BOD1L1: variants seen among roughly 807,000 people sequenced by gnomAD.
BOD1L1 encodes the protein biorientation of chromosomes in cell division protein 1-like 1.
Under a neutral mutation model 240.7 loss-of-function variants are expected in BOD1L1, and 86 were observed. The ratio of observed to expected loss-of-function variants is 0.36; its 90% confidence interval spans 0.30 to 0.43. BOD1L1 has a LOEUF of 0.43. BOD1L1 is among the 20% of genes least tolerant of loss of function. The pLI is 1.00. For missense variants in BOD1L1, 3,554 were observed against 3,643.5 expected (o/e 0.98, Z 0.63); for synonymous variants, 1,268 against 1,272.3 (o/e 1.00, Z 0.07).
Position 13,602,730 on chromosome 4 carries a change from T to C in BOD1L1, c.4170A>G (p.Leu1390=). 1 of 1,614,054 alleles carries C rather than the reference T, an allele frequency of 6.2e-7. No homozygotes were observed. The highest frequency in any genetic ancestry group is 8.5e-7 in the Non-Finnish European group (1 of 1,179,898). ...GKVIMPLGSK[L]TGVIVENENI... Reference sequence around the variant, plus strand: ...TCTCATTTTCCACAATCACGCCCGTTAACTTACTTCCAAGAGGCATGATTA... The same window carrying C: ...TCTCATTTTCCACAATCACGCCCGTCAACTTACTTCCAAGAGGCATGATTA... The change falls in exon 10 of 26, where the codon TTA becomes TTG. Residue 1390 remains leucine, a synonymous_variant. Transcript: ENST00000040738.
In BOD1L1 at chr4:13,600,487, T is replaced by A; in HGVS notation, c.6413A>T (p.Lys2138Ile). ...SQLTASRSEEKDECAMISTSI... is the reference protein window; with the variant it reads ...SQLTASRSEEIDECAMISTSI... The stretch of plus-strand genomic sequence containing the variant: ...TGTGGAAATCATGGCACACTCATCT[T>A]TCTCTTCACTTCTGCTGGCAGTGAG... Residue 2138 changes from lysine (K) to isoleucine (I), a missense_variant, in exon 10 of 26, where the codon AAA becomes ATA. Transcript: ENST00000040738. 6.2e-7 allele frequency: 1 copy of A among 1,613,986 alleles called. No individual in the cohort carries two copies. The highest frequency in any genetic ancestry group is 2.2e-5 in the East Asian group (1 of 44,884).
chr4:13,599,939 C>T lies in BOD1L1; in HGVS notation c.6961G>A (p.Val2321Ile). ...QDEDRLTITRVEDLSDAAIIS... is the reference protein window; with the variant it reads ...QDEDRLTITRIEDLSDAAIIS... ...ATGGCAGCATCGCTCAAGTCTTCTA[C>T]TCTTGTGATGGTGAGCCGATCTTCA... Residue 2321 changes from valine (V) to isoleucine (I), a missense_variant, in exon 10 of 26, where the codon GTA becomes ATA. Val to Ile is a conservative substitution (Grantham distance 29). Around this residue, in one of 2 missense-constraint regions of BOD1L1, gnomAD observed 3,393 missense variants for 3,427.1 expected, o/e 0.99. Coordinates refer to ENST00000040738, the MANE Select transcript of BOD1L1 (RefSeq NM_148894.3). 1 of 1,613,374 alleles carries T rather than the reference C, an allele frequency of 6.2e-7. No homozygotes were observed. The highest frequency in any genetic ancestry group is 8.5e-7 in the Non-Finnish European group (1 of 1,179,612).
At chr4:13,578,694 T>A (rs181586825) in intron 22 of BOD1L1, among the ~76,000 whole-genome samples, 1 of 152,282 alleles carries the variant, frequency 6.6e-6, no homozygotes, top group East Asian at 1.9e-4. Context: ...ATTACAGGTG[T>A]GAGCCACCAC....
chr4:13,582,161 T>C (rs1713283344), intron 19 of BOD1L1, 76 bp downstream of exon 19: 1 of 1,243,542 alleles, frequency 8.0e-7, no homozygotes, highest in Non-Finnish European at 1.1e-6. Flanking sequence ...AAACTCAAGA[T>C]AACAGTATTT....
At chr4:13,582,080 A>G in intron 19 of BOD1L1, 157 bp downstream of exon 19, 1 of 593,988 alleles carries the variant, frequency 1.7e-6, no homozygotes, top group Non-Finnish European at 2.9e-6. Flanking sequence ...AATGACACTG[A>G]TAAAATGCAC....
Position 13,569,941 on chromosome 4 carries a change from T to C in BOD1L1, c.*70A>G. 1 of 1,176,244 alleles carries C rather than the reference T, an allele frequency of 8.5e-7. No individual in the cohort carries two copies. The highest frequency in any genetic ancestry group is 1.1e-6 in the Non-Finnish European group (1 of 876,134). 72.9% of individuals were successfully genotyped at this position (1,176,244 alleles called of 1,614,324 possible). A position where few individuals can be genotyped will look rare whatever the true frequency, so the allele number is the denominator to read the frequency against. On this transcript the variant is annotated 3_prime_UTR_variant, in exon 26 of 26. Coordinates refer to ENST00000040738, the MANE Select transcript of BOD1L1 (RefSeq NM_148894.3). ...TTTTTCCTGGTTAAAGAGAAGCCTA[T>C]GGCCACCAAGGCATGTCTCTTTCCT...
At position 13,588,779 on chromosome 4, in the gene BOD1L1, A is replaced by G; in HGVS notation, c.8223T>C (p.Gly2741=). The G allele has an allele frequency of 1.3e-6, 2 of 1,599,440 alleles. No individual in the cohort carries two copies. Among genetic ancestry groups the G allele is most frequent in the East Asian group, 2.2e-5 (1 of 44,598 alleles). The change falls in exon 15 of 26, where the codon GGT becomes GGC. Residue 2741 remains glycine, a synonymous_variant. Transcript: ENST00000040738. ...TTATGGCTTCTGCGTTGTCTTTTCT[A>G]CCACTGGATATCTCTGAGTAATAAA... ...ESYNKGEISS[G]RKDNAEAISG... is the part of the protein sequence containing the mutation.
At chr4:13,610,271 T>A (rs976281243) in intron 6 of BOD1L1, among the ~76,000 whole-genome samples, 1 of 152,234 alleles carries the variant, frequency 6.6e-6, no homozygotes, top group South Asian at 2.1e-4. Context: ...TATTTTTGAA[T>A]CCAAGAAATA....
At chr4:13,592,184 T>C (rs1435839586) in intron 12 of BOD1L1, 1 of 491,356 alleles carries the variant, frequency 2.0e-6, no homozygotes, top group Non-Finnish European at 3.6e-6. Flanking sequence ...TAAATTAATG[T>C]TGCCTGCATT....
In BOD1L1 at chr4:13,595,755, T is replaced by C. The variant is rs1714567639; in HGVS notation, c.8104+105A>G. On this transcript the variant is annotated intron_variant, in intron 12 of 25. Transcript: ENST00000040738. The stretch of plus-strand genomic sequence containing the variant: ...TTTTAAAAAGTGAGAGGCAAGTTAA[T>C]AGAGCCTGTATGTTACTATGCATCA... 9.0e-6 allele frequency: 7 copies of C among 775,506 alleles called. No homozygotes were observed. The South Asian group carries it at 1.1e-4, about 12-fold the overall frequency. The allele number at this position is 775,506 out of a possible 1,614,324, so 48.0% of individuals were successfully genotyped here.
chr4:13,572,139 T>G (rs1270748791), intron 25 of BOD1L1, among the ~76,000 whole-genome samples: 1 of 152,192 alleles, frequency 6.6e-6, no homozygotes, highest in African/African-American at 2.4e-5. Context: ...AAGTGCCCAG[T>G]ACTGACCAGA....
intron 12 of BOD1L1, among the ~76,000 whole-genome samples, chr4:13,594,022 G>C (rs1714418723): frequency 6.6e-6 from 1 of 152,190 alleles, no homozygotes; most frequent in Admixed American, 6.5e-5. Context: ...AAAAGTAGAG[G>C]CTATGAATGA....
In BOD1L1 at chr4:13,576,876, T is replaced by C. The variant is rs751712836; in HGVS notation, c.9000A>G (p.Gly3000=). The C allele has an allele frequency of 1.2e-6, 2 of 1,614,034 alleles. No individual in the cohort carries two copies. ...EEEEEEDEPS[G]ATTRSTTRSE... is the part of the protein sequence containing the mutation. Reference sequence around the variant, plus strand: ...ATCTGGTGGTGGATCTTGTGGTGGCTCCTGAAGGCTCGTCCTCTTCCTCTT... The same window carrying C: ...ATCTGGTGGTGGATCTTGTGGTGGCCCCTGAAGGCTCGTCCTCTTCCTCTT... Residue 3000 remains glycine, a synonymous_variant, in exon 25 of 26, where the codon GGA becomes GGG. Coordinates refer to ENST00000040738, the MANE Select transcript of BOD1L1 (RefSeq NM_148894.3).
At chr4:13,605,906 T>C (rs1442186917) in intron 9 of BOD1L1, among the ~76,000 whole-genome samples, 1 of 152,198 alleles carries the variant, frequency 6.6e-6, no homozygotes, top group African/African-American at 2.4e-5. Flanking sequence ...CATCTAAACC[T>C]TCCTTCTGGC....
At position 13,584,447 on chromosome 4, in the gene BOD1L1, T is replaced by A. The variant is rs879673455; in HGVS notation, c.8434-1711A>T. On this transcript the variant is annotated intron_variant, in intron 17 of 25. Transcript: ENST00000040738. ...GGGAGAGAAAGAGAGAGAGAGTGTG[T>A]GTGTGTGTGTGTGTGTGTGTGTGTG... Among the ~76,000 whole-genome samples, 718 of 136,126 alleles carry A rather than the reference T, an allele frequency of 5.3e-3. 3 individuals are homozygous for A. Among genetic ancestry groups the A allele is most frequent in the African/African-American group, 9.2e-3 (291 of 31,538 alleles). 89.3% of individuals were successfully genotyped at this position (136,126 alleles called of 152,430 possible). A position where few individuals can be genotyped will look rare whatever the true frequency, so the allele number is the denominator to read the frequency against.
Position 13,586,407 on chromosome 4 carries a change from G to C in BOD1L1, c.8422C>G (p.His2808Asp). Residue 2808 changes from histidine to aspartate, a missense_variant, in exon 17 of 26, where the codon CAT (histidine) becomes GAT (aspartate). Coordinates refer to ENST00000040738, the MANE Select transcript of BOD1L1 (RefSeq NM_148894.3). ...AQRQCPETEPHDTKEENSRDL... is the reference protein window; with the variant it reads ...AQRQCPETEPDDTKEENSRDL... ...TGTGGAAAAAATACCTTTGTGTCAT[G>C]TGGCTCCGTTTCAGGACACTGCCTT... 6.2e-7 allele frequency: 1 copy of C among 1,610,952 alleles called. No individual in the cohort carries two copies. Among genetic ancestry groups the C allele is most frequent in the Non-Finnish European group, 8.5e-7 (1 of 1,177,944 alleles).
intron 10 of BOD1L1, among the ~76,000 whole-genome samples, chr4:13,598,139 T>C (rs767902096): frequency 3.3e-5 from 5 of 152,240 alleles, no homozygotes; most frequent in South Asian, 2.1e-4. Context: ...GTATAAAGTA[T>C]CTGAAGTTGG....
intron 13 of BOD1L1, among the ~76,000 whole-genome samples, chr4:13,591,284 G>A (rs1714190251): frequency 6.6e-6 from 1 of 152,062 alleles, no homozygotes; most frequent in Admixed American, 6.6e-5. Flanking sequence ...AGCATATGGT[G>A]TATGAGTTTC....
In BOD1L1 at chr4:13,597,173, T is replaced by C. The variant is rs779577352; in HGVS notation, c.7955-5A>G. On this transcript the variant is annotated splice_polypyrimidine_tract_variant and splice_region_variant and intron_variant, in intron 10 of 25. Coordinates refer to ENST00000040738, the MANE Select transcript of BOD1L1 (RefSeq NM_148894.3). The stretch of plus-strand genomic sequence containing the variant: ...TCAATGGAGACTCTTCATTGCCTAA[T>C]AAAATTCAAGCCATTTAGTACAGTT... The C allele has an allele frequency of 1.9e-6, 3 of 1,587,840 alleles. No individual in the cohort carries two copies. Among genetic ancestry groups the C allele is most frequent in the African/African-American group, 2.7e-5 (2 of 74,694 alleles).
Sources: allele counts gnomAD v4.1 joint callset (sites outside exome capture counted in the v4.1 genomes callset), GRCh38; gene constraint gnomAD v4.1.1; regional missense constraint gnomAD v4.1.1; transcripts MANE v1.5; gene names NCBI Gene and HGNC (gene_info 2026-07-23, HGNC 2026-07-21).